SMAGP: variants seen among roughly 807,000 people sequenced by gnomAD.
The protein encoded by SMAGP is small cell transmembrane and glycosylated protein.
In SMAGP, 7 loss-of-function variants were observed where a neutral mutation model predicts 10.1. The observed-to-expected ratio is 0.70, with a 90% CI of 0.40 to 1.31. The LOEUF (loss-of-function observed/expected upper bound fraction) is 1.31. Ranked by LOEUF, SMAGP falls within the 50% of genes most tolerant of loss-of-function variation. The pLI, the probability that SMAGP is intolerant of heterozygous loss-of-function variation, is 0.01. For missense variants in SMAGP, 113 were observed against 116.5 expected (o/e 0.97, Z 0.14); for synonymous variants, 49 against 47.2 (o/e 1.04, Z -0.16).
chr12:51,264,725 A>G (rs1302182480), intron 2 of SMAGP, among the ~76,000 whole-genome samples: 1 of 151,416 alleles, frequency 6.6e-6, no homozygotes, highest in Non-Finnish European at 1.5e-5. Context: ...TGAGCTCAGG[A>G]GTTTGAGACC....
intron 2 of SMAGP, among the ~76,000 whole-genome samples, chr12:51,263,442 G>A (rs1043458685): frequency 4.6e-5 from 7 of 151,562 alleles, no homozygotes; most frequent in Admixed American, 3.9e-4. Context: ...TTTTCCTTCC[G>A]TAAAATGAGA....
chr12:51,249,504 T>G (rs897199144), intron 2 of SMAGP, among the ~76,000 whole-genome samples: 1 of 152,176 alleles, frequency 6.6e-6, no homozygotes, highest in African/African-American at 2.4e-5. Flanking sequence ...GTGGAACTGC[T>G]TGCTTGCTTG....
At chr12:51,265,625 G>A (rs571534980) in intron 2 of SMAGP, among the ~76,000 whole-genome samples, 1 of 152,302 alleles carries the variant, frequency 6.6e-6, no homozygotes, top group Admixed American at 6.5e-5. Context: ...AAGGTCTATT[G>A]TATGATTCTA....
chr12:51,246,635 T>C (rs1944775734), intron 3 of SMAGP, 116 bp downstream of exon 3: 7 of 623,858 alleles, frequency 1.1e-5, no homozygotes, highest in Admixed American at 1.0e-4. Flanking sequence ...TGTGTGTGTG[T>C]GTGTAATATA....
rs1944773415 is a variant in SMAGP at position 51,246,595 on chromosome 12, CTT to C, written c.115+154_115+155del. On this transcript the variant is annotated intron_variant, in intron 3 of 3. Transcript: ENST00000603798. ...GTGCCTCTGACAGAAGCCTCCGAGT[CTT>C]TTATGGCTGTGTGTGTGTGTGTGTG... 6.0e-6 allele frequency: 3 copies of C among 496,382 alleles called. 1 individual carries two copies. The highest frequency in any genetic ancestry group is 3.2e-6 in the Non-Finnish European group (1 of 312,816). 30.7% of individuals were successfully genotyped at this position (496,382 alleles called of 1,614,324 possible). A position where few individuals can be genotyped will look rare whatever the true frequency, so the allele number is the denominator to read the frequency against.
intron 2 of SMAGP, among the ~76,000 whole-genome samples, chr12:51,268,493 CATAGCT>C (rs1944996531): frequency 6.6e-6 from 1 of 152,098 alleles, no homozygotes; most frequent in Non-Finnish European, 1.5e-5. Context: ...CATTCTTTGC[CATAGCT>C]ATAAATTATT....
chr12:51,246,282 T>C, intron 3 of SMAGP, 163 bp from the exon 4 acceptor site: 1 of 984,510 alleles, frequency 1.0e-6, no homozygotes, highest in South Asian at 1.8e-5. Context: ...AACCCCAATT[T>C]CCATGGCACA....
At chr12:51,256,352 GA>G (rs1237836723) in intron 2 of SMAGP, among the ~76,000 whole-genome samples, 14 of 152,136 alleles carry the variant, frequency 9.2e-5, no homozygotes, top group Non-Finnish European at 4.4e-5. Flanking sequence ...TTGGGAGGCT[GA>G]GGCCAGAGGA....
intron 2 of SMAGP, among the ~76,000 whole-genome samples, chr12:51,264,628 A>T (rs1484146375): frequency 8.5e-6 from 1 of 118,190 alleles, no homozygotes; most frequent in East Asian, 2.9e-4. Flanking sequence ...CCCATCTCTT[A>T]AAAAAAAAAA....
intron 2 of SMAGP, among the ~76,000 whole-genome samples, chr12:51,262,065 CCT>C (rs1188585743): frequency 6.6e-6 from 1 of 151,562 alleles, no homozygotes; most frequent in East Asian, 1.9e-4. Flanking sequence ...TAGCGAGACC[CCT>C]GTCTCTCTGT....
intron 2 of SMAGP, among the ~76,000 whole-genome samples, chr12:51,257,204 T>C (rs954771656): frequency 2.0e-5 from 3 of 152,076 alleles, no homozygotes; most frequent in African/African-American, 7.2e-5. Flanking sequence ...ATGACCCAGA[T>C]GAGAGGCACA....
chr12:51,249,497 G>C (rs1205580594), intron 2 of SMAGP, among the ~76,000 whole-genome samples: 1 of 152,156 alleles, frequency 6.6e-6, no homozygotes, highest in African/African-American at 2.4e-5. Flanking sequence ...GTCTGCTGTG[G>C]AACTGCTTGC....
chr12:51,248,188 G>C (rs73109022), intron 2 of SMAGP, among the ~76,000 whole-genome samples: 41,842 of 152,002 alleles, frequency 0.28, 7,119 homozygotes, highest in Middle Eastern at 0.42. Context: ...TATGCTAAGA[G>C]GGGCCAAGAG....
chr12:51,263,235 T>C (rs113411592), intron 2 of SMAGP, among the ~76,000 whole-genome samples: 1 of 151,846 alleles, frequency 6.6e-6, no homozygotes, highest in Non-Finnish European at 1.5e-5. Flanking sequence ...ATACAAAAAT[T>C]AGCTGGGCAT....
Position 51,246,736 on chromosome 12 carries a change from C to T in SMAGP, c.115+15G>A, listed in dbSNP as rs749677392. 6.4e-7 allele frequency: 1 copy of T among 1,552,258 alleles called. No homozygotes were observed. On this transcript the variant is annotated intron_variant, in intron 3 of 3. Coordinates refer to ENST00000603798, the MANE Select transcript of SMAGP (RefSeq NM_001031628.2). ...GATCCAGAAGGTCCCTTGGAGTTGG[C>T]TCAGAGTCTATTACCTGCAATGAGT...
chr12:51,267,474 C>T (rs1308929481), intron 2 of SMAGP, among the ~76,000 whole-genome samples: 122 of 146,478 alleles, frequency 8.3e-4, no homozygotes, highest in African/African-American at 2.9e-3. Flanking sequence ...ATTCCCCCCC[C>T]CCACTCCGTG....
Position 51,245,727 on chromosome 12 carries a change from G to C in SMAGP, c.*214C>G, listed in dbSNP as rs1944759202. On this transcript the variant is annotated 3_prime_UTR_variant, in exon 4 of 4. Coordinates refer to ENST00000603798, the MANE Select transcript of SMAGP (RefSeq NM_001031628.2). ...CAGTCACAAACACCAGCTCTAGTAA[G>C]AGGGCCTGGTTAAAGATATCATAAA... The C allele has an allele frequency of 3.8e-6, 2 of 525,606 alleles. No homozygotes were observed. The highest frequency in any genetic ancestry group is 3.8e-5 in the African/African-American group (2 of 52,990). The allele number at this position is 525,606 out of a possible 1,614,324, so 32.6% of individuals were successfully genotyped here.
In SMAGP at chr12:51,245,658, G is replaced by C. The variant is rs1318761996; in HGVS notation, c.*283C>G. On this transcript the variant is annotated 3_prime_UTR_variant, in exon 4 of 4. Coordinates refer to ENST00000603798, the MANE Select transcript of SMAGP (RefSeq NM_001031628.2). ...TTCAACCTGTGAAAAAAGATGACTG[G>C]GCACATACTCAGATGTCCCCTGGCA... is the stretch of plus-strand genomic sequence containing the variant. The C allele has an allele frequency of 5.5e-6, 2 of 361,952 alleles. No homozygotes were observed. The highest frequency in any genetic ancestry group is 4.0e-5 in the Admixed American group (1 of 25,222). 22.4% of individuals were successfully genotyped at this position (361,952 alleles called of 1,614,324 possible).
At chr12:51,257,874 G>A (rs1387438768) in intron 2 of SMAGP, among the ~76,000 whole-genome samples, 3 of 152,098 alleles carry the variant, frequency 2.0e-5, no homozygotes, top group Non-Finnish European at 4.4e-5. Context: ...TCTTAACTGG[G>A]CCCAGTGGTT....
Sources: allele counts gnomAD v4.1 joint callset (sites outside exome capture counted in the v4.1 genomes callset), GRCh38; gene constraint gnomAD v4.1.1; transcripts MANE v1.5; gene names NCBI Gene and HGNC (gene_info 2026-07-23, HGNC 2026-07-21).